PCDH15: variants seen among roughly 807,000 people sequenced by gnomAD.
PCDH15 encodes the protein protocadherin-15.
Under a neutral mutation model 178.5 loss-of-function variants are expected in PCDH15, and 129 were observed. That is an observed-to-expected ratio of 0.72 (90% CI 0.63 to 0.84). PCDH15 has a LOEUF of 0.84. PCDH15 is among the 40% of genes least tolerant of loss of function. The pLI, the probability that PCDH15 is intolerant of heterozygous loss-of-function variation, is 0.00. For synonymous variants in PCDH15, 800 were observed against 732.0 expected (o/e 1.09, Z -1.50); for missense variants, 2,230 against 2,099.9 (o/e 1.06, Z -1.21).
intron 1 of PCDH15, among the ~76,000 whole-genome samples, chr10:55,181,826 T>C (rs1433709962): frequency 1.3e-5 from 2 of 152,010 alleles, no homozygotes; most frequent in African/African-American, 4.8e-5. Context: ...TAATTTTTAA[T>C]ACAGAGGTAT....
chr10:54,740,125 A>G (rs1290680656), intron 1 of PCDH15, among the ~76,000 whole-genome samples: 2 of 152,004 alleles, frequency 1.3e-5, no homozygotes, highest in Admixed American at 1.3e-4. Context: ...AATATTTGTA[A>G]ACTATCCATC....
At chr10:55,464,498 GC>G (rs1839786120) in intron 2 of PCDH15, among the ~76,000 whole-genome samples, 1 of 151,850 alleles carries the variant, frequency 6.6e-6, no homozygotes, top group East Asian at 1.9e-4. Context: ...GGAGGTTTTA[GC>G]ACTCACATTG....
At chr10:54,603,908 G>C (rs2092644077) in intron 2 of PCDH15, among the ~76,000 whole-genome samples, 1 of 151,958 alleles carries the variant, frequency 6.6e-6, no homozygotes, top group African/African-American at 2.4e-5. Flanking sequence ...AAAACAGATT[G>C]GGCCCAGTTG....
chr10:54,152,713 C>A (rs549540793), intron 14 of PCDH15, among the ~76,000 whole-genome samples: 1 of 150,682 alleles, frequency 6.6e-6, no homozygotes, highest in South Asian at 2.1e-4. Context: ...TGTCTGTGTG[C>A]GAGTCTGTGT....
At chr10:54,103,198 TA>T (rs569341928) in intron 15 of PCDH15, among the ~76,000 whole-genome samples, 59 of 152,222 alleles carry the variant, frequency 3.9e-4, no homozygotes, top group Non-Finnish European at 5.0e-4. Context: ...TTGTCCATTC[TA>T]CATAGAAGTT....
Position 54,979,101 on chromosome 10 carries a change from C to T in PCDH15, c.-79-81601G>A, listed in dbSNP as rs562795471. ...GAGATTAAATAATTGCCCAAGGTCA[C>T]ATATGTAGTAAAGAACAGAGTGATA... On this transcript the variant is annotated intron_variant, in intron 2 of 5. Transcript: ENST00000458638. Among the ~76,000 whole-genome samples, 5 of 152,098 alleles carry T rather than the reference C, an allele frequency of 3.3e-5. No homozygotes were observed. The South Asian group carries it at 1.0e-3, about 32-fold the overall frequency.
chr10:54,744,242 G>A (rs923256917), intron 1 of PCDH15, among the ~76,000 whole-genome samples: 1 of 152,072 alleles, frequency 6.6e-6, no homozygotes, highest in African/African-American at 2.4e-5. Flanking sequence ...ATCACTGGTT[G>A]AACCTTGGGA....
chr10:54,365,341 T>C (rs996208844), intron 5 of PCDH15, among the ~76,000 whole-genome samples: 6 of 152,110 alleles, frequency 3.9e-5, no homozygotes, highest in African/African-American at 1.4e-4. Context: ...ATAATATAGA[T>C]ATAGCTCCAT....
chr10:54,944,727 A>C (rs1838151075), intron 2 of PCDH15, among the ~76,000 whole-genome samples: 1 of 151,858 alleles, frequency 6.6e-6, no homozygotes, highest in African/African-American at 2.4e-5. Context: ...GGTAAGTATG[A>C]AATTTTATTG....
At chr10:54,539,871 A>G (rs1260000069) in intron 2 of PCDH15, among the ~76,000 whole-genome samples, 1 of 152,164 alleles carries the variant, frequency 6.6e-6, no homozygotes, top group African/African-American at 2.4e-5. Context: ...AAAACACACA[A>G]ATATATAGAA....
At chr10:54,090,318 A>C (rs1278104564) in intron 15 of PCDH15, among the ~76,000 whole-genome samples, 1 of 152,228 alleles carries the variant, frequency 6.6e-6, no homozygotes, top group East Asian at 1.9e-4. Flanking sequence ...TTAATTAATG[A>C]ATTTAATTTC....
At chr10:54,096,439 T>C (rs969727083) in intron 15 of PCDH15, among the ~76,000 whole-genome samples, 1 of 152,142 alleles carries the variant, frequency 6.6e-6, no homozygotes, top group East Asian at 1.9e-4. Flanking sequence ...CTTCCTGTTT[T>C]TTGCTCATTG....
At position 55,401,935 on chromosome 10, in the gene PCDH15, A is replaced by G. The variant is rs115908039; in HGVS notation, c.-156+225690T>C. Among the ~76,000 whole-genome samples the G allele has an allele frequency of 7.9e-3, 1,202 of 152,114 alleles. 14 individuals are homozygous for G. Among genetic ancestry groups the G allele is most frequent in the African/African-American group, 0.026 (1,082 of 41,536 alleles). On this transcript the variant is annotated intron_variant, in intron 2 of 5. Transcript: ENST00000613346. ...GGATGCTACCCTGAAAAATAATTGA[A>G]TCTATTAGAGATTGTAAAGAAAAGC...
At chr10:54,299,255 G>C (rs1203910708) in intron 8 of PCDH15, among the ~76,000 whole-genome samples, 1 of 152,004 alleles carries the variant, frequency 6.6e-6, no homozygotes, top group Non-Finnish European at 1.5e-5. Flanking sequence ...GAGTGAGAGA[G>C]AGGAAGAGAC....
chr10:54,548,080 G>A (rs1302294901), intron 2 of PCDH15, among the ~76,000 whole-genome samples: 4 of 137,784 alleles, frequency 2.9e-5, no homozygotes. Context: ...CAGCCTGGGC[G>A]ACAGAGCGAG....
At position 53,811,335 on chromosome 10, in the gene PCDH15, A is replaced by G. The variant is rs539234378; in HGVS notation, c.4562+214T>C. On this transcript the variant is annotated intron_variant, in intron 36 of 37. Transcript: ENST00000644397. ...TACCGCATTTCTAGAATTGCAATCG[A>G]TATCAATGTAAAATATCAATATGGA... 3.0e-4 allele frequency among the ~76,000 whole-genome samples: 46 copies of G among 152,318 alleles called. 1 individual carries two copies. The highest frequency in any genetic ancestry group is 1.1e-3 in the African/African-American group (44 of 41,576).
chr10:53,866,780 T>C lies in PCDH15; in HGVS notation c.3579A>G (p.Glu1193=), dbSNP rs1564640040. The C allele has an allele frequency of 3.1e-6, 5 of 1,613,540 alleles. No individual in the cohort carries two copies. The highest frequency in any genetic ancestry group is 1.7e-5 in the Admixed American group (1 of 59,990). The part of the protein sequence containing the change: ...LIIPPIKEGK[E]GFVVETYTGL... ...CTGTATATGTTTCCACTACAAATCC[T>C]TCTTTTCCCTCTTTAATTGGTGGTA... Residue 1193 remains glutamate (E), a synonymous_variant, in exon 27 of 38, where the codon GAA becomes GAG. Coordinates refer to ENST00000644397, the MANE Select transcript of PCDH15 (RefSeq NM_001384140.1).
intron 13 of PCDH15, among the ~76,000 whole-genome samples, chr10:54,172,495 C>T (rs770048292): frequency 1.4e-4 from 22 of 151,962 alleles, no homozygotes; most frequent in Non-Finnish European, 2.5e-4. Flanking sequence ...TCTCTTCACG[C>T]GCATGAAAAT....
chr10:55,173,485 T>C (rs1839397473), intron 1 of PCDH15, among the ~76,000 whole-genome samples: 1 of 152,034 alleles, frequency 6.6e-6, no homozygotes, highest in African/African-American at 2.4e-5. Flanking sequence ...CATAGTTAAT[T>C]TCATAGGTAA....
Sources: allele counts gnomAD v4.1 joint callset (sites outside exome capture counted in the v4.1 genomes callset), GRCh38; gene constraint gnomAD v4.1.1; transcripts MANE v1.5; gene names NCBI Gene and HGNC (gene_info 2026-07-23, HGNC 2026-07-21).